Variants in EPHB1 observed in about 807,000 individuals in gnomAD.
EPHB1 encodes ephrin type-B receptor 1.
A neutral mutation model predicts 94.4 loss-of-function variants in EPHB1; 30 were observed. The ratio of observed to expected loss-of-function variants is 0.32; its 90% confidence interval spans 0.24 to 0.43. The LOEUF (loss-of-function observed/expected upper bound fraction) is 0.43. Among genes scored for constraint, EPHB1 ranks in the 20% least tolerant of loss-of-function variants. The pLI is 1.00. For missense variants in EPHB1, 1,055 were observed against 1,308.3 expected, an observed-to-expected ratio of 0.81 and a Z score of 2.99; for synonymous variants, 522 against 489.1, an observed-to-expected ratio of 1.07 and a Z score of -0.89.
At chr3:134,860,239 C>T (rs1056114438) in intron 1 of EPHB1, among the ~76,000 whole-genome samples, 3 of 151,586 alleles carry the variant, frequency 2.0e-5, no homozygotes, top group African/African-American at 7.3e-5. Flanking sequence ...CTCAGCCAGT[C>T]TCCTGTTCTG....
At chr3:135,044,618 G>A (rs6791224) in intron 3 of EPHB1, among the ~76,000 whole-genome samples, 33,607 of 152,124 alleles carry the variant, frequency 0.22, 5,293 homozygotes, top group African/African-American at 0.45. Flanking sequence ...GCAAAATTAT[G>A]CTTGTTTCAT....
At chr3:134,831,290 G>C (rs1413750930) in intron 1 of EPHB1, among the ~76,000 whole-genome samples, 2 of 152,178 alleles carry the variant, frequency 1.3e-5, no homozygotes, top group Non-Finnish European at 2.9e-5. Flanking sequence ...CAGCATTACA[G>C]ATTCCCACAA....
intron 2 of EPHB1, among the ~76,000 whole-genome samples, chr3:134,946,767 C>T (rs968185683): frequency 7.2e-6 from 1 of 139,302 alleles, no homozygotes; most frequent in Non-Finnish European, 1.5e-5. Flanking sequence ...CTTGCTCCCT[C>T]TCTCACCATG....
intron 12 of EPHB1, among the ~76,000 whole-genome samples, chr3:135,210,080 A>C (rs916431588): frequency 6.6e-6 from 1 of 152,218 alleles, no homozygotes; most frequent in African/African-American, 2.4e-5. Flanking sequence ...AAGGAGTAGA[A>C]GAGTTGGGAA....
chr3:134,894,755 G>T (rs2038054301), intron 1 of EPHB1, among the ~76,000 whole-genome samples: 1 of 152,200 alleles, frequency 6.6e-6, no homozygotes, highest in Non-Finnish European at 1.5e-5. Context: ...GACATAGAAG[G>T]TAGGATTTTC....
intron 13 of EPHB1, among the ~76,000 whole-genome samples, chr3:135,242,539 T>G (rs1943812174): frequency 6.6e-6 from 1 of 152,292 alleles, no homozygotes; most frequent in East Asian, 1.9e-4. Flanking sequence ...TACTCCCTGT[T>G]GCTATGGGCA....
rs1183892131 is a variant in EPHB1, at chr3:135,052,907, A to ATGTG, written c.806-53540_806-53539insGTGT. ...AAAAAAAAAATATATATATATATAT[A>ATGTG]TATGTGTGTGTGTGTGTGTGTGTGT... is the stretch of plus-strand genomic sequence containing the variant. On this transcript the variant is annotated intron_variant, in intron 3 of 15. Coordinates refer to ENST00000398015, the MANE Select transcript of EPHB1 (RefSeq NM_004441.5). Among the ~76,000 whole-genome samples, 37 of 98,358 alleles carry ATGTG rather than the reference A, an allele frequency of 3.8e-4. 2 individuals carry two copies. Among genetic ancestry groups the ATGTG allele is most frequent in the African/African-American group, 2.0e-3 (36 of 17,834 alleles). 64.5% of individuals were successfully genotyped at this position (98,358 alleles called of 152,430 possible).
At chr3:135,122,528 G>A (rs1321340623) in intron 4 of EPHB1, among the ~76,000 whole-genome samples, 3 of 152,012 alleles carry the variant, frequency 2.0e-5, no homozygotes, top group East Asian at 3.9e-4. Flanking sequence ...TCCATCTCCC[G>A]CATGGATAGT....
At position 134,871,815 on chromosome 3, in the gene EPHB1, C is replaced by A. The variant is rs78580266; in HGVS notation, c.59-54001C>A. Reference sequence around the variant, plus strand: ...ATGTCCAAATGGGCGCTGCTCTTCCCTCAGTCTTTATAACACTGTAAGTGG... The same window carrying A: ...ATGTCCAAATGGGCGCTGCTCTTCCATCAGTCTTTATAACACTGTAAGTGG... On this transcript the variant is annotated intron_variant, in intron 1 of 15. Transcript: ENST00000398015. 7.4e-3 allele frequency among the ~76,000 whole-genome samples: 1,129 copies of A among 152,316 alleles called. 12 individuals carry two copies. The highest frequency in any genetic ancestry group is 0.023 in the African/African-American group (972 of 41,568).
chr3:135,102,110 A>G (rs1200052252), intron 3 of EPHB1, among the ~76,000 whole-genome samples: 5 of 152,228 alleles, frequency 3.3e-5, no homozygotes, highest in Non-Finnish European at 7.3e-5. Context: ...TGAGTTTTGA[A>G]ATGATACGAA....
At chr3:134,903,703 G>C (rs73861986) in intron 1 of EPHB1, among the ~76,000 whole-genome samples, 1 of 152,086 alleles carries the variant, frequency 6.6e-6, no homozygotes, top group Non-Finnish European at 1.5e-5. Flanking sequence ...TAAATGGAGG[G>C]ACCAAAGGTA....
intron 1 of EPHB1, among the ~76,000 whole-genome samples, chr3:134,864,126 C>T (rs933600042): frequency 6.6e-6 from 1 of 152,206 alleles, no homozygotes; most frequent in East Asian, 1.9e-4. Context: ...CTCCCTAGCA[C>T]GGGGCCTTTG....
chr3:134,887,736 T>C (rs987552901), intron 1 of EPHB1, among the ~76,000 whole-genome samples: 1 of 152,214 alleles, frequency 6.6e-6, no homozygotes, highest in Admixed American at 6.5e-5. Context: ...TAAGAAAAAG[T>C]TGAAGATTAA....
chr3:135,159,146 T>A lies in EPHB1; in HGVS notation c.1423-2872T>A, dbSNP rs187318485. On this transcript the variant is annotated intron_variant, in intron 6 of 15. Coordinates refer to ENST00000398015, the MANE Select transcript of EPHB1 (RefSeq NM_004441.5). ...CAACAGCTGCATTCTCCATCCTGCATCCTCTGTCTCCCACATACTTATAAT... is the reference window on the plus strand; with the variant it reads ...CAACAGCTGCATTCTCCATCCTGCAACCTCTGTCTCCCACATACTTATAAT... 2.0e-5 allele frequency among the ~76,000 whole-genome samples: 3 copies of A among 152,278 alleles called. No homozygotes were observed. The East Asian group carries it at 5.8e-4, about 29-fold the overall frequency.
intron 15 of EPHB1, among the ~76,000 whole-genome samples, chr3:135,257,921 C>T (rs1031918397): frequency 2.6e-5 from 4 of 151,502 alleles, no homozygotes; most frequent in Non-Finnish European, 4.4e-5. Flanking sequence ...CGTGGTGCGC[C>T]GTGTTTTAAG....
Position 135,009,737 on chromosome 3 carries a change from T to C in EPHB1, c.805+57685T>C, listed in dbSNP as rs148821047. On this transcript the variant is annotated intron_variant, in intron 3 of 15. Coordinates refer to ENST00000398015, the MANE Select transcript of EPHB1 (RefSeq NM_004441.5). ...AGGCAGCTTATCACCCAATTTGCCTTCTTTTAACCTAGTTTTAATTACCTT... is the reference window on the plus strand; with the variant it reads ...AGGCAGCTTATCACCCAATTTGCCTCCTTTTAACCTAGTTTTAATTACCTT... 4.4e-3 allele frequency among the ~76,000 whole-genome samples: 667 copies of C among 152,362 alleles called. 3 individuals are homozygous for C. The highest frequency in any genetic ancestry group is 7.4e-3 in the Non-Finnish European group (504 of 68,020).
At position 135,259,838 on chromosome 3, in the gene EPHB1, C is replaced by T. The variant is rs773752272; in HGVS notation, c.*718C>T. Reference sequence around the variant, plus strand: ...AAAAAAAAGAAGAAAAACCTGTTTCCGTGTGCAAAAGCACACATATGTATG... The same window carrying T: ...AAAAAAAAGAAGAAAAACCTGTTTCTGTGTGCAAAAGCACACATATGTATG... On this transcript the variant is annotated 3_prime_UTR_variant, in exon 16 of 16. Transcript: ENST00000398015. 5.4e-5 allele frequency: 12 copies of T among 223,714 alleles called. No homozygotes were observed. Among genetic ancestry groups the T allele is most frequent in the African/African-American group, 1.1e-4 (5 of 44,804 alleles). The allele number at this position is 223,714 out of a possible 1,614,324, so 13.9% of individuals were successfully genotyped here. A position where few individuals can be genotyped will look rare whatever the true frequency, so the allele number is the denominator to read the frequency against.
intron 2 of EPHB1, among the ~76,000 whole-genome samples, chr3:134,946,013 G>A (rs2039210220): frequency 6.6e-6 from 1 of 152,230 alleles, no homozygotes; most frequent in Non-Finnish European, 1.5e-5. Flanking sequence ...AAGCCTTGTT[G>A]GCGAGGCAGG....
At chr3:135,208,358 G>A (rs1257958881) in intron 12 of EPHB1, among the ~76,000 whole-genome samples, 2 of 150,130 alleles carry the variant, frequency 1.3e-5, no homozygotes, top group Admixed American at 1.3e-4. Context: ...ACAGAGAGAT[G>A]CACACGTGTG....
Sources: allele counts gnomAD v4.1 joint callset (sites outside exome capture counted in the v4.1 genomes callset), GRCh38; gene constraint gnomAD v4.1.1; transcripts MANE v1.5; gene names NCBI Gene and HGNC (gene_info 2026-07-23, HGNC 2026-07-21).